Variants in FNBP4 observed in about 807,000 individuals in gnomAD.
FNBP4 encodes the protein formin binding protein 4.
In FNBP4, 34 loss-of-function variants were observed where a neutral mutation model predicts 119.3. The ratio of observed to expected loss-of-function variants is 0.28; its 90% CI spans 0.22 to 0.38. The LOEUF (loss-of-function observed/expected upper bound fraction) is 0.38. FNBP4 is among the 10% of genes least tolerant of loss of function. The pLI is 1.00. For synonymous variants in FNBP4, 462 were observed against 430.6 expected (o/e 1.07, Z -0.90); for missense variants, 1,112 against 1,228.9 (o/e 0.90, Z 1.42).
intron 13 of FNBP4, 35 bp downstream of exon 13, chr11:47,724,433 C>CA: frequency 6.2e-7 from 1 of 1,613,866 alleles, no homozygotes. Context: ...TTCCAGTCCT[C>CA]AAAATCACTC....
chr11:47,725,426 T>G, intron 12 of FNBP4: 1 of 152,250 alleles, frequency 6.6e-6, no homozygotes, highest in East Asian at 1.9e-4. Context: ...TACTGTCAAC[T>G]ATATCATTCC....
At chr11:47,739,566 T>C (rs2097578874) in intron 8 of FNBP4, among the ~76,000 whole-genome samples, 1 of 152,192 alleles carries the variant, frequency 6.6e-6, no homozygotes, top group South Asian at 2.1e-4. Context: ...ACATAAAATA[T>C]ATTCATCAGG....
chr11:47,730,486 T>C (rs982005660), intron 12 of FNBP4, among the ~76,000 whole-genome samples: 1 of 152,212 alleles, frequency 6.6e-6, no homozygotes, highest in Non-Finnish European at 1.5e-5. Flanking sequence ...AGTGCTTTTC[T>C]ACTATCATCA....
chr11:47,757,652 C>A (rs1841848831), intron 2 of FNBP4, among the ~76,000 whole-genome samples: 1 of 151,974 alleles, frequency 6.6e-6, no homozygotes, highest in Non-Finnish European at 1.5e-5. Context: ...CACCACCACA[C>A]CTGGGTAATG....
chr11:47,735,631 T>TGAAGAA (rs2097572947), intron 9 of FNBP4, among the ~76,000 whole-genome samples: 2 of 152,246 alleles, frequency 1.3e-5, no homozygotes, highest in Non-Finnish European at 2.9e-5. Context: ...ATTGAGCAGT[T>TGAAGAA]AGAATTTTAG....
intron 12 of FNBP4, among the ~76,000 whole-genome samples, chr11:47,728,848 CTTTT>C (rs35490791): frequency 0.024 from 2,689 of 113,548 alleles, 33 homozygotes; most frequent in African/African-American, 0.035. Context: ...CTGTAGGCGT[CTTTT>C]TTTTTTTTTT....
chr11:47,734,976 A>ACC (rs1420586266), intron 9 of FNBP4, among the ~76,000 whole-genome samples: 54 of 119,432 alleles, frequency 4.5e-4, no homozygotes, highest in African/African-American at 1.8e-3. Flanking sequence ...CATCACCCCA[A>ACC]CACCCCCCCC....
At chr11:47,754,175 C>T (rs1037601958) in intron 3 of FNBP4, among the ~76,000 whole-genome samples, 10 of 148,272 alleles carry the variant, frequency 6.7e-5, no homozygotes, top group African/African-American at 2.2e-4. Context: ...CCGCTGCACT[C>T]GAGACTGGGC....
At chr11:47,745,109 A>G (rs2097587809) in intron 7 of FNBP4, among the ~76,000 whole-genome samples, 1 of 152,174 alleles carries the variant, frequency 6.6e-6, no homozygotes, top group Non-Finnish European at 1.5e-5. Context: ...CCACTGTGAT[A>G]ATTGTGTTAA....
chr11:47,732,740 A>G lies in FNBP4; in HGVS notation c.1687-70T>C. The G allele has an allele frequency of 6.9e-7, 1 of 1,449,690 alleles. No individual in the cohort carries two copies. Among genetic ancestry groups the G allele is most frequent in the Non-Finnish European group, 9.7e-7 (1 of 1,034,792 alleles). 89.8% of individuals were successfully genotyped at this position (1,449,690 alleles called of 1,614,324 possible). On this transcript the variant is annotated intron_variant, in intron 10 of 16. Coordinates refer to ENST00000263773, the MANE Select transcript of FNBP4 (RefSeq NM_015308.5). This position sits in a 1 kb window ranked among gnomAD's most constrained non-coding sequence, Gnocchi z 4.2. ...CAGGAGACACAGGCAAAGGGGATAT[A>G]AACCTTCTGCTCCAAGACTATATCC...
chr11:47,734,725 A>G (rs1418070171), intron 9 of FNBP4, among the ~76,000 whole-genome samples: 1 of 152,152 alleles, frequency 6.6e-6, no homozygotes, highest in African/African-American at 2.4e-5. Context: ...CTGTAATCCC[A>G]GCACTTTGGG....
intron 7 of FNBP4, among the ~76,000 whole-genome samples, chr11:47,744,476 A>G (rs1049219751): frequency 6.6e-6 from 1 of 151,864 alleles, no homozygotes; most frequent in African/African-American, 2.4e-5. Flanking sequence ...TGTTGCTCAC[A>G]TTGGTCTCAA....
intron 2 of FNBP4, among the ~76,000 whole-genome samples, chr11:47,756,562 T>A (rs2097618833): frequency 6.6e-6 from 1 of 152,282 alleles, no homozygotes; most frequent in South Asian, 2.1e-4. Flanking sequence ...GTTGTTGTTA[T>A]ACTTTAAGTT....
intron 10 of FNBP4, 25 bp downstream of exon 10, chr11:47,734,000 C>CAAAA (rs79199646): frequency 4.7e-5 from 42 of 891,954 alleles, no homozygotes; most frequent in South Asian, 1.2e-4. Flanking sequence ...CTGTTTATGC[C>CAAAA]AAAAAAAAAA....
intron 6 of FNBP4, among the ~76,000 whole-genome samples, chr11:47,747,943 G>C (rs2135208012): frequency 6.7e-6 from 1 of 150,116 alleles, no homozygotes; most frequent in Non-Finnish European, 1.5e-5. Flanking sequence ...GTGAGAGACT[G>C]TCTCAAAAAA....
intron 2 of FNBP4, among the ~76,000 whole-genome samples, chr11:47,762,136 C>CT (rs2097636425): frequency 7.7e-6 from 1 of 129,686 alleles, no homozygotes; most frequent in South Asian, 2.5e-4. Context: ...CAGCGTCTGG[C>CT]TGTTTTTTTT....
intron 2 of FNBP4, among the ~76,000 whole-genome samples, chr11:47,760,838 C>T (rs1237475241): frequency 6.6e-6 from 1 of 152,092 alleles, no homozygotes; most frequent in Non-Finnish European, 1.5e-5. Context: ...TGTTGGGAGG[C>T]GGCAGCCACA....
At chr11:47,750,381 CAAAA>C (rs59583797) in intron 6 of FNBP4, among the ~76,000 whole-genome samples, 1 of 24,752 alleles carries the variant, frequency 4.0e-5, no homozygotes, top group Non-Finnish European at 6.3e-5. Context: ...GACTCCATAT[CAAAA>C]AAAAAAAAAA....
At position 47,767,272 on chromosome 11, in the gene FNBP4, CG is replaced by C; in HGVS notation, c.16del (p.Arg6GlyfsTer56). ...GATGGGCCTACGGCCGGGTACCGCC[CG>C]GGACTTCTTCCCCATCGCGAGCCCA... is the stretch of plus-strand genomic sequence containing the variant. Reference protein sequence around the residue: MGKKSRAVPGRRPILQ... With the variant: MGKKSXAVPGRRPILQ... On this transcript the variant is annotated frameshift_variant, in exon 1 of 17. Transcript: ENST00000263773. LOFTEE classifies it high-confidence loss of function. 6.5e-7 allele frequency: 1 copy of C among 1,538,882 alleles called. No individual in the cohort carries two copies. The highest frequency in any genetic ancestry group is 8.7e-7 in the Non-Finnish European group (1 of 1,151,038).
Sources: gnomAD v4.1 joint callset for allele counts (sites outside exome capture counted in the v4.1 genomes callset) on GRCh38, gnomAD v4.1.1 for gene constraint, Gnocchi (gnomAD v3.1) non-coding constraint, MANE v1.5 for transcripts, NCBI Gene and HGNC (gene_info 2026-07-23, HGNC 2026-07-21) for gene names.